Variants in SELENOF observed in about 807,000 individuals in gnomAD.
SELENOF encodes selenoprotein F.
SELENOF carries 16 observed loss-of-function variants against 20.5 expected under a neutral mutation model. The observed-to-expected ratio is 0.78, with a 90% CI of 0.53 to 1.19. The LOEUF (loss-of-function observed/expected upper bound fraction) is 1.19, where lower values mean the gene tolerates loss of function less well. Among genes scored for constraint, SELENOF ranks in the 50% most tolerant of loss-of-function variants. SELENOF has a pLI of 0.00. For synonymous variants in SELENOF, 78 were observed against 74.5 expected, an observed-to-expected ratio of 1.05 and a Z score of -0.24; for missense variants, 215 against 194.2, an observed-to-expected ratio of 1.11 and a Z score of -0.64.
chr1:86,909,642 A>G (rs1011626271), intron 1 of SELENOF, among the ~76,000 whole-genome samples: 1 of 152,206 alleles, frequency 6.6e-6, no homozygotes, highest in Non-Finnish European at 1.5e-5. Context: ...GTGGAGGGAT[A>G]CTAACACACA....
At chr1:86,886,536 C>T (rs1659225297) in intron 2 of SELENOF, among the ~76,000 whole-genome samples, 1 of 151,568 alleles carries the variant, frequency 6.6e-6, no homozygotes, top group Non-Finnish European at 1.5e-5. Flanking sequence ...TAAAGCAATT[C>T]CACAGTACCA....
At chr1:86,904,380 A>G (rs552501064) in intron 1 of SELENOF, among the ~76,000 whole-genome samples, 4 of 152,312 alleles carry the variant, frequency 2.6e-5, no homozygotes, top group African/African-American at 9.6e-5. Flanking sequence ...CCTTACATAA[A>G]TCGTTACATT....
Position 86,903,431 on chromosome 1 carries a change from T to C in SELENOF, c.102A>G (p.Ala34=). The C allele has an allele frequency of 1.2e-6, 2 of 1,606,024 alleles. No individual in the cohort carries two copies. Among genetic ancestry groups the C allele is most frequent in the South Asian group, 2.2e-5 (2 of 89,038 alleles). ...CTCTGCATGCCTCCGATGAAAACTC[T>C]GCCCCAAAAGCAGACACCTGAAAAT... ...TVLQAVSAFG[A]EFSSEACREL... The change falls in exon 2 of 5, where the codon GCA becomes GCG. Residue 34 remains alanine, a synonymous_variant. Coordinates refer to ENST00000331835, the MANE Select transcript of SELENOF (RefSeq NM_004261.5).
chr1:86,900,797 C>T (rs1330983586), intron 2 of SELENOF, among the ~76,000 whole-genome samples: 1 of 152,110 alleles, frequency 6.6e-6, no homozygotes, highest in Non-Finnish European at 1.5e-5. Flanking sequence ...CTCGGCCTCC[C>T]AAAGTGCTGG....
chr1:86,905,368 C>T (rs2102128586), intron 1 of SELENOF, among the ~76,000 whole-genome samples: 1 of 152,226 alleles, frequency 6.6e-6, no homozygotes, highest in East Asian at 1.9e-4. Context: ...TGCTCACAGT[C>T]TCCCCTATAT....
intron 3 of SELENOF, among the ~76,000 whole-genome samples, chr1:86,868,454 T>C (rs1658669728): frequency 6.6e-6 from 1 of 152,148 alleles, no homozygotes; most frequent in Non-Finnish European, 1.5e-5. Context: ...ATATACTATG[T>C]GATACTGATA....
intron 3 of SELENOF, among the ~76,000 whole-genome samples, chr1:86,878,540 G>A (rs1356690823): frequency 1.3e-5 from 2 of 152,222 alleles, no homozygotes; most frequent in Non-Finnish European, 2.9e-5. Flanking sequence ...AAATTAGCTG[G>A]GTGTGGTGGC....
chr1:86,887,329 T>C (rs1473606635), intron 2 of SELENOF: 3 of 1,048,876 alleles, frequency 2.9e-6, no homozygotes, highest in Admixed American at 3.8e-5. Flanking sequence ...TCTGAAAAAA[T>C]ACAAAGCAAT....
At chr1:86,885,910 T>C (rs1278809099) in intron 2 of SELENOF, among the ~76,000 whole-genome samples, 1 of 152,218 alleles carries the variant, frequency 6.6e-6, no homozygotes, top group Non-Finnish European at 1.5e-5. Flanking sequence ...CTGGATTTTT[T>C]AGATGCTCAA....
intron 1 of SELENOF, among the ~76,000 whole-genome samples, chr1:86,905,086 G>A (rs541834911): frequency 6.6e-6 from 1 of 152,092 alleles, no homozygotes; most frequent in East Asian, 1.9e-4. Flanking sequence ...TCTTCCTAAG[G>A]TATTCAGTAT....
chr1:86,891,138 C>A (rs1437372015), intron 2 of SELENOF, among the ~76,000 whole-genome samples: 1 of 151,756 alleles, frequency 6.6e-6, no homozygotes, highest in Non-Finnish European at 1.5e-5. Flanking sequence ...CAACCTCTAC[C>A]CCCTGGGTTC....
intron 1 of SELENOF, among the ~76,000 whole-genome samples, chr1:86,913,518 G>A (rs375316405): frequency 6.6e-6 from 1 of 152,214 alleles, no homozygotes. Context: ...TCGCACTCAA[G>A]CGCAGCCAGC....
chr1:86,894,567 T>C (rs1452471708), intron 2 of SELENOF, among the ~76,000 whole-genome samples: 1 of 152,158 alleles, frequency 6.6e-6, no homozygotes, highest in Non-Finnish European at 1.5e-5. Context: ...CAACTGGGTG[T>C]GTTGGTTTAT....
intron 2 of SELENOF, among the ~76,000 whole-genome samples, chr1:86,888,661 C>A (rs1659294054): frequency 6.6e-6 from 1 of 152,162 alleles, no homozygotes; most frequent in Non-Finnish European, 1.5e-5. Flanking sequence ...TAGTTATGAT[C>A]AACATATATA....
intron 2 of SELENOF, among the ~76,000 whole-genome samples, chr1:86,883,064 T>G (rs1040122378): frequency 1.3e-5 from 2 of 150,706 alleles, no homozygotes; most frequent in Non-Finnish European, 2.9e-5. Context: ...AAGCAGAGGT[T>G]GCAGTGAGCT....
At chr1:86,913,680 G>A (rs575744863) in intron 1 of SELENOF, 48 of 240,106 alleles carry the variant, frequency 2.0e-4, no homozygotes, top group African/African-American at 9.4e-4. Flanking sequence ...CTCGTCATGA[G>A]TCTCTTGCAT....
chr1:86,903,164 T>A (rs958256928), intron 2 of SELENOF, 117 bp downstream of exon 2: 4 of 869,710 alleles, frequency 4.6e-6, no homozygotes, highest in Non-Finnish European at 6.9e-6. Context: ...AGTTGAGTTT[T>A]ACTAAAAAAT....
intron 3 of SELENOF, among the ~76,000 whole-genome samples, chr1:86,879,818 T>C (rs141662498): frequency 0.024 from 3,648 of 152,326 alleles, 72 homozygotes; most frequent in Middle Eastern, 0.048. Context: ...ACCCAAAGAA[T>C]ATACCTTCAC....
chr1:86,873,545 GT>G (rs1311860064), intron 3 of SELENOF, among the ~76,000 whole-genome samples: 2 of 152,064 alleles, frequency 1.3e-5, no homozygotes, highest in East Asian at 3.9e-4. Flanking sequence ...TGAATGTTTA[GT>G]TTTATATAAT....
Sources: allele counts gnomAD v4.1 joint callset (sites outside exome capture counted in the v4.1 genomes callset), GRCh38; gene constraint gnomAD v4.1.1; transcripts MANE v1.5; gene names NCBI Gene and HGNC (gene_info 2026-07-23, HGNC 2026-07-21).